SORCS1: variants seen among roughly 807,000 people sequenced by gnomAD.
The protein encoded by SORCS1 is sortilin related VPS10 domain containing receptor 1, also known as VPS10 domain-containing receptor SorCS1.
In SORCS1, 60 loss-of-function variants were observed where a neutral mutation model predicts 146.1. That is an observed-to-expected ratio of 0.41 (90% CI 0.33 to 0.51). The LOEUF is 0.51. Among genes scored for constraint, SORCS1 ranks in the 20% least tolerant of loss-of-function variants. The probability of loss-of-function intolerance (pLI) is 0.21; values close to 1 mark genes in which losing one functional copy is unlikely to be tolerated. For synonymous variants in SORCS1, 637 were observed against 584.0 expected, an observed-to-expected ratio of 1.09 and a Z score of -1.31; for missense variants, 1,352 against 1,487.6, an observed-to-expected ratio of 0.91 and a Z score of 1.50.
At chr10:106,636,852 A>G (rs916133329) in intron 18 of SORCS1, among the ~76,000 whole-genome samples, 5 of 152,122 alleles carry the variant, frequency 3.3e-5, no homozygotes, top group African/African-American at 4.8e-5. Flanking sequence ...CACTCTTACA[A>G]CTCGTTCACA....
intron 1 of SORCS1, among the ~76,000 whole-genome samples, chr10:107,120,025 G>C (rs1590181745): frequency 6.6e-6 from 1 of 151,860 alleles, no homozygotes; most frequent in Admixed American, 6.6e-5. Flanking sequence ...TCTTTTCAGA[G>C]CACAAAGCAC....
chr10:106,863,531 A>G (rs1468335181), intron 2 of SORCS1, among the ~76,000 whole-genome samples: 1 of 152,032 alleles, frequency 6.6e-6, no homozygotes, highest in Non-Finnish European at 1.5e-5. Flanking sequence ...TTTCAAAAAA[A>G]AAAAAAAAAG....
intron 5 of SORCS1, among the ~76,000 whole-genome samples, chr10:106,753,930 G>T (rs10884356): frequency 0.22 from 33,409 of 151,988 alleles, 4,631 homozygotes; most frequent in East Asian, 0.47. Context: ...TCTACTAGTG[G>T]GAAACATTAG....
intron 1 of SORCS1, among the ~76,000 whole-genome samples, chr10:107,104,363 A>G (rs933307345): frequency 5.9e-5 from 9 of 152,188 alleles, no homozygotes; most frequent in African/African-American, 2.2e-4. Flanking sequence ...GTTCCAAAAG[A>G]AGTCTGGAAA....
At chr10:106,931,382 T>C (rs1429426237) in intron 2 of SORCS1, among the ~76,000 whole-genome samples, 2 of 152,130 alleles carry the variant, frequency 1.3e-5, no homozygotes, top group African/African-American at 4.8e-5. Flanking sequence ...GTCAACACAA[T>C]GGAGCTACAA....
chr10:107,097,960 T>G (rs1257992883), intron 1 of SORCS1, among the ~76,000 whole-genome samples: 5 of 152,208 alleles, frequency 3.3e-5, no homozygotes, highest in African/African-American at 1.2e-4. Flanking sequence ...GCCCATTTTA[T>G]GTCTGTTACA....
chr10:106,828,065 A>C (rs527869557), intron 3 of SORCS1, among the ~76,000 whole-genome samples: 1 of 152,340 alleles, frequency 6.6e-6, no homozygotes, highest in African/African-American at 2.4e-5. Context: ...GAAATGCCTA[A>C]TTTCATATAA....
At chr10:106,700,182 T>C (rs1413412169) in intron 8 of SORCS1, among the ~76,000 whole-genome samples, 1 of 152,204 alleles carries the variant, frequency 6.6e-6, no homozygotes, top group Non-Finnish European at 1.5e-5. Context: ...TCCTGGAAGA[T>C]AGAATTAAAG....
At chr10:106,622,064 G>C (rs187868339) in intron 19 of SORCS1, among the ~76,000 whole-genome samples, 24 of 152,158 alleles carry the variant, frequency 1.6e-4, no homozygotes, top group South Asian at 4.2e-4. Flanking sequence ...GGCCGAGTTG[G>C]GTGGATCATG....
chr10:107,121,457 G>A (rs1334513061), intron 1 of SORCS1, among the ~76,000 whole-genome samples: 6 of 152,094 alleles, frequency 3.9e-5, no homozygotes, highest in African/African-American at 1.4e-4. Context: ...TGACATCTTT[G>A]GGACCATCCC....
intron 18 of SORCS1, 121 bp downstream of exon 18, chr10:106,652,260 TA>T: frequency 9.6e-7 from 1 of 1,045,272 alleles, no homozygotes; most frequent in African/African-American, 1.6e-5. Flanking sequence ...AAAAGTAAAA[TA>T]AAAATTTTTA....
At chr10:106,849,330 T>C (rs2137249008) in intron 2 of SORCS1, among the ~76,000 whole-genome samples, 1 of 150,818 alleles carries the variant, frequency 6.6e-6, no homozygotes, top group Middle Eastern at 3.4e-3. Context: ...CTTCACTTCA[T>C]TCATTTCATC....
At chr10:106,919,856 C>A (rs528161303) in intron 2 of SORCS1, among the ~76,000 whole-genome samples, 1 of 152,198 alleles carries the variant, frequency 6.6e-6, no homozygotes, top group Admixed American at 6.6e-5. Flanking sequence ...TTTATAGTGC[C>A]CATTCTTAAA....
intron 2 of SORCS1, among the ~76,000 whole-genome samples, chr10:106,903,700 C>T (rs146599233): frequency 1.2e-3 from 181 of 152,268 alleles, no homozygotes; most frequent in Non-Finnish European, 2.2e-3. Flanking sequence ...TTAATAACAA[C>T]ATTCTCAGTA....
At chr10:107,128,423 TAG>T (rs995779553) in intron 1 of SORCS1, among the ~76,000 whole-genome samples, 12 of 152,122 alleles carry the variant, frequency 7.9e-5, no homozygotes, top group African/African-American at 2.7e-4. Context: ...GAAGGGGCAA[TAG>T]AGTCTAGATT....
At chr10:107,026,650 G>C (rs1406520294) in intron 1 of SORCS1, among the ~76,000 whole-genome samples, 1 of 151,792 alleles carries the variant, frequency 6.6e-6, no homozygotes, top group Middle Eastern at 3.2e-3. Flanking sequence ...TTTTGTTAAA[G>C]AGAAAGAGAC....
rs144368701 is a variant in SORCS1, at chr10:106,630,038, C to T, written c.2476-650G>A. Among the ~76,000 whole-genome samples, 13 of 152,206 alleles carry T rather than the reference C, an allele frequency of 8.5e-5. No individual in the cohort carries two copies. The East Asian group carries it at 1.9e-3, about 23-fold the overall frequency. The stretch of plus-strand genomic sequence containing the variant: ...CCAGCCTGATGATGGAGTGAGACTC[C>T]GTCTCAGAAACAAAGAAACAAACAA... On this transcript the variant is annotated intron_variant, in intron 18 of 25. Transcript: ENST00000263054.
At chr10:107,093,112 C>G (rs1005399706) in intron 1 of SORCS1, among the ~76,000 whole-genome samples, 3 of 152,160 alleles carry the variant, frequency 2.0e-5, no homozygotes, top group Non-Finnish European at 4.4e-5. Flanking sequence ...AGTAAGCACT[C>G]AAACTACAAT....
intron 1 of SORCS1, among the ~76,000 whole-genome samples, chr10:107,099,610 C>G (rs1019873926): frequency 2.4e-4 from 36 of 152,170 alleles, no homozygotes; most frequent in African/African-American, 8.4e-4. Flanking sequence ...TTGAACAAAG[C>G]AGGTATTCCA....
Sources: allele counts gnomAD v4.1 joint callset (sites outside exome capture counted in the v4.1 genomes callset), GRCh38; gene constraint gnomAD v4.1.1; transcripts MANE v1.5; gene names NCBI Gene and HGNC (gene_info 2026-07-23, HGNC 2026-07-21).